Variants in MAP3K13 observed in about 807,000 individuals in gnomAD.
MAP3K13 encodes mitogen-activated protein kinase kinase kinase 13, also known as leucine zipper-bearing kinase.
MAP3K13 carries 52 observed loss-of-function variants against 104.0 expected under a neutral mutation model. The observed-to-expected ratio is 0.50, with a 90% CI of 0.40 to 0.63. The LOEUF is 0.63. Ranked by LOEUF, MAP3K13 falls within the 20% of genes least tolerant of loss-of-function variation. MAP3K13 has a pLI of 0.00. For synonymous variants in MAP3K13, 394 were observed against 442.2 expected (o/e 0.89, Z 1.37); for missense variants, 914 against 1,218.5 (o/e 0.75, Z 3.72).
At chr3:185,452,374 C>T (rs1263836691) in intron 7 of MAP3K13, among the ~76,000 whole-genome samples, 1 of 152,068 alleles carries the variant, frequency 6.6e-6, no homozygotes, top group African/African-American at 2.4e-5. Flanking sequence ...CAAGCATGCA[C>T]CACCACACCT....
At position 185,418,427 on chromosome 3, in the gene MAP3K13, T is replaced by C. The variant is rs1184460497; in HGVS notation, c.-85-10070T>C. On this transcript the variant is annotated intron_variant, in intron 1 of 13. Coordinates refer to ENST00000265026, the MANE Select transcript of MAP3K13 (RefSeq NM_004721.5). This position sits in a 1 kb window ranked among gnomAD's most constrained non-coding sequence, Gnocchi z 4.5. ...GAACAGATGGCATATCGTTTTTGGG[T>C]TGTGTTCACTCTACGATGCCAACGG... is the stretch of plus-strand genomic sequence containing the variant. The C allele has an allele frequency of 3.1e-6, 5 of 1,608,964 alleles. No homozygotes were observed. Among genetic ancestry groups the C allele is most frequent in the South Asian group, 1.1e-5 (1 of 90,934 alleles).
intron 2 of MAP3K13, among the ~76,000 whole-genome samples, chr3:185,294,190 A>C (rs1720840525): frequency 6.6e-6 from 1 of 152,184 alleles, no homozygotes; most frequent in African/African-American, 2.4e-5. Context: ...GTTTATCTTT[A>C]GTTTAATGAT....
At chr3:185,300,387 T>C (rs999552435) in intron 2 of MAP3K13, among the ~76,000 whole-genome samples, 9 of 151,984 alleles carry the variant, frequency 5.9e-5, no homozygotes, top group African/African-American at 2.2e-4. Context: ...GGGGTTTCAC[T>C]TGTCTCGAAC....
intron 2 of MAP3K13, among the ~76,000 whole-genome samples, chr3:185,357,447 TAAAAAAAA>T (rs71162295): frequency 1.1e-5 from 1 of 91,398 alleles, no homozygotes; most frequent in Admixed American, 1.3e-4. Context: ...AAACTCCATC[TAAAAAAAA>T]AAAAAAAAAA....
chr3:185,322,851 T>C (rs1721914200), intron 2 of MAP3K13, among the ~76,000 whole-genome samples: 1 of 152,246 alleles, frequency 6.6e-6, no homozygotes, highest in African/African-American at 2.4e-5. Context: ...TTATTTTTTC[T>C]TTTGAAATAC....
intron 1 of MAP3K13, among the ~76,000 whole-genome samples, chr3:185,395,335 C>G (rs1297781938): frequency 6.9e-6 from 1 of 144,520 alleles, no homozygotes; most frequent in African/African-American, 2.6e-5. Flanking sequence ...ATGCAACAGG[C>G]ATTTCTAATT....
At chr3:185,376,797 A>T (rs1036506105) in intron 1 of MAP3K13, among the ~76,000 whole-genome samples, 5 of 152,114 alleles carry the variant, frequency 3.3e-5, no homozygotes, top group Non-Finnish European at 5.9e-5. Flanking sequence ...GGACGTGATC[A>T]GCAGGGAGAG....
chr3:185,303,192 A>G (rs757365014), intron 2 of MAP3K13, among the ~76,000 whole-genome samples: 5 of 152,226 alleles, frequency 3.3e-5, no homozygotes, highest in African/African-American at 7.2e-5. Context: ...CCACTTTATC[A>G]TAATGTATAA....
rs1560140498 is a variant in MAP3K13 at position 185,483,679 on chromosome 3, T to C, written c.*1223T>C. 1 of 194,816 alleles carries C rather than the reference T, an allele frequency of 5.1e-6. No individual in the cohort carries two copies. The allele number at this position is 194,816 out of a possible 1,614,324, so 12.1% of individuals were successfully genotyped here. ...TCTGAGCCCAAACCATCCCTTTGTT[T>C]TTATTCAATAACTCATTCTATCTTA... On this transcript the variant is annotated 3_prime_UTR_variant, in exon 14 of 14. Coordinates refer to ENST00000265026, the MANE Select transcript of MAP3K13 (RefSeq NM_004721.5).
intron 2 of MAP3K13, among the ~76,000 whole-genome samples, chr3:185,348,061 G>A (rs1457650970): frequency 6.6e-6 from 1 of 151,182 alleles, no homozygotes; most frequent in African/African-American, 2.4e-5. Flanking sequence ...TATAAATGTA[G>A]CATGAAATTG....
chr3:185,357,630 A>G (rs577707246), intron 2 of MAP3K13, among the ~76,000 whole-genome samples: 1 of 152,194 alleles, frequency 6.6e-6, no homozygotes, highest in South Asian at 2.1e-4. Context: ...TTTTGCCAGA[A>G]TTTGTATGTT....
rs1377116397 is a variant in MAP3K13, at chr3:185,484,803, T to C, written c.*2347T>C. 1 of 152,212 alleles carries C rather than the reference T, an allele frequency of 6.6e-6. No individual in the cohort carries two copies. The highest frequency in any genetic ancestry group is 1.5e-5 in the Non-Finnish European group (1 of 68,038). The allele number at this position is 152,212 out of a possible 1,614,324, so 9.4% of individuals were successfully genotyped here. On this transcript the variant is annotated 3_prime_UTR_variant, in exon 14 of 14. Transcript: ENST00000265026. ...GTTATTTTATTTTATAATATTATCA[T>C]TCTCATTTTCTGTCGATCAGAAGGT...
chr3:185,313,829 C>T (rs1374287969), intron 2 of MAP3K13, among the ~76,000 whole-genome samples: 2 of 152,134 alleles, frequency 1.3e-5, no homozygotes. Context: ...AACTGGCTAC[C>T]TTCTCTACTT....
chr3:185,294,249 A>C (rs1720842985), intron 2 of MAP3K13, among the ~76,000 whole-genome samples: 1 of 152,190 alleles, frequency 6.6e-6, no homozygotes, highest in Non-Finnish European at 1.5e-5. Context: ...GTTACTCCTA[A>C]AAATAGATAT....
intron 2 of MAP3K13, among the ~76,000 whole-genome samples, chr3:185,350,951 A>G (rs1723117727): frequency 6.6e-6 from 1 of 152,224 alleles, no homozygotes; most frequent in Non-Finnish European, 1.5e-5. Context: ...ACTATAGCAC[A>G]AACGTGGAAT....
intron 2 of MAP3K13, among the ~76,000 whole-genome samples, chr3:185,290,709 G>A (rs900717134): frequency 6.6e-6 from 1 of 152,102 alleles, no homozygotes; most frequent in Non-Finnish European, 1.5e-5. Context: ...GGAGACATTA[G>A]TAGTATCTAA....
intron 1 of MAP3K13, among the ~76,000 whole-genome samples, chr3:185,389,533 G>A (rs1711908712): frequency 6.6e-6 from 1 of 151,738 alleles, no homozygotes; most frequent in African/African-American, 2.4e-5. Context: ...AAGACTGCCA[G>A]TTGATACCTG....
At chr3:185,372,392 T>C (rs1724205880) in intron 1 of MAP3K13, among the ~76,000 whole-genome samples, 1 of 152,260 alleles carries the variant, frequency 6.6e-6, no homozygotes, top group Non-Finnish European at 1.5e-5. Context: ...GATCATTTGC[T>C]TGTGTTAATG....
At chr3:185,283,050 C>CG (rs929825424) in intron 1 of MAP3K13, 32 of 152,504 alleles carry the variant, frequency 2.1e-4, no homozygotes, top group African/African-American at 7.3e-4. Flanking sequence ...CGGATCTGAA[C>CG]GGGGGGCGAG....
Sources: gnomAD v4.1 joint callset for allele counts (sites outside exome capture counted in the v4.1 genomes callset) on GRCh38, gnomAD v4.1.1 for gene constraint, Gnocchi (gnomAD v3.1) non-coding constraint, MANE v1.5 for transcripts, NCBI Gene and HGNC (gene_info 2026-07-23, HGNC 2026-07-21) for gene names.